The following PAPOLA variants were observed in gnomAD, a reference collection of about 807,000 sequenced individuals.
PAPOLA encodes polynucleotide adenylyltransferase alpha.
PAPOLA carries 15 observed loss-of-function variants against 100.6 expected under a neutral mutation model. That is an observed-to-expected ratio of 0.15 (90% CI 0.10 to 0.23). The LOEUF (loss-of-function observed/expected upper bound fraction) is 0.23, where lower values mean the gene tolerates loss of function less well. Ranked by LOEUF, PAPOLA falls within the 10% of genes least tolerant of loss-of-function variation. The pLI, the probability that PAPOLA is intolerant of heterozygous loss-of-function variation, is 1.00. For synonymous variants in PAPOLA, 293 were observed against 300.0 expected (o/e 0.98, Z 0.24); for missense variants, 533 against 884.2 (o/e 0.60, Z 5.04).
intron 9 of PAPOLA, chr14:96,533,033 G>A (rs1282611535): frequency 1.3e-5 from 12 of 903,402 alleles, no homozygotes; most frequent in Non-Finnish European, 1.6e-5. Flanking sequence ...TCTTGTGATT[G>A]TTTTTTTTTT....
At chr14:96,546,400 A>C (rs1900398799) in intron 15 of PAPOLA, among the ~76,000 whole-genome samples, 1 of 152,070 alleles carries the variant, frequency 6.6e-6, no homozygotes, top group African/African-American at 2.4e-5. Context: ...TTTAAGCCAG[A>C]TCATATCTTG....
intron 1 of PAPOLA, among the ~76,000 whole-genome samples, chr14:96,512,155 T>C (rs1897146685): frequency 6.6e-6 from 1 of 152,206 alleles, no homozygotes; most frequent in South Asian, 2.1e-4. Flanking sequence ...CTTTAAATAA[T>C]TTAACATGTT....
chr14:96,547,122 A>T (rs1466444372), intron 15 of PAPOLA, among the ~76,000 whole-genome samples: 2 of 152,042 alleles, frequency 1.3e-5, no homozygotes, highest in African/African-American at 4.8e-5. Context: ...TGTAATGTAG[A>T]CCCTTTGAGG....
intron 17 of PAPOLA, among the ~76,000 whole-genome samples, chr14:96,555,214 C>CTT (rs555186990): frequency 9.2e-5 from 12 of 131,146 alleles, no homozygotes; most frequent in African/African-American, 1.7e-4. Context: ...TCATTCATAA[C>CTT]TTTTTTTTTT....
chr14:96,518,855 G>A (rs574649639), intron 1 of PAPOLA, among the ~76,000 whole-genome samples: 1 of 151,862 alleles, frequency 6.6e-6, no homozygotes, highest in African/African-American at 2.4e-5. Flanking sequence ...TCAGGAGTTC[G>A]AGAGCAGCCT....
At chr14:96,542,500 T>A in intron 13 of PAPOLA, 2 of 551,806 alleles carry the variant, frequency 3.6e-6, no homozygotes, top group South Asian at 5.6e-5. Context: ...TTTATGGAGA[T>A]CCGTGCATAA....
At chr14:96,537,957 A>T (rs529813775) in intron 12 of PAPOLA, 1 of 152,142 alleles carries the variant, frequency 6.6e-6, no homozygotes, top group East Asian at 1.9e-4. Flanking sequence ...GCAATAACGG[A>T]GCCAGTAATT....
At chr14:96,511,441 A>G (rs961199159) in intron 1 of PAPOLA, among the ~76,000 whole-genome samples, 6 of 152,202 alleles carry the variant, frequency 3.9e-5, no homozygotes, top group African/African-American at 1.2e-4. Context: ...AACATTAACT[A>G]TTTAAGGAAA....
chr14:96,519,655 T>C lies in PAPOLA; in HGVS notation c.9-400T>C, dbSNP rs114934779. ...TTCATTATCTATGAACTTCGTTCAT[T>C]GTAAGCCAGATGCCAGGTTTCATTT... On this transcript the variant is annotated intron_variant, in intron 1 of 21. Transcript: ENST00000216277. Among the ~76,000 whole-genome samples the C allele has an allele frequency of 3.3e-3, 502 of 152,352 alleles. 2 individuals are homozygous for C. The highest frequency in any genetic ancestry group is 0.012 in the African/African-American group (486 of 41,592).
In PAPOLA at chr14:96,518,390, G is replaced by T. The variant is rs555142641; in HGVS notation, c.9-1665G>T. On this transcript the variant is annotated intron_variant, in intron 1 of 21. Transcript: ENST00000216277. ...AAGCCTTACTTGCATAGCATTCTTA[G>T]ATTTAGCACTTTATTGCTTTTTGCT... is the stretch of plus-strand genomic sequence containing the variant. 2.5e-4 allele frequency among the ~76,000 whole-genome samples: 38 copies of T among 151,832 alleles called. 1 individual carries two copies. The South Asian group carries it at 7.3e-3, about 29-fold the overall frequency.
intron 1 of PAPOLA, among the ~76,000 whole-genome samples, chr14:96,504,017 T>C (rs1410796169): frequency 6.6e-6 from 1 of 152,254 alleles, no homozygotes; most frequent in African/African-American, 2.4e-5. Context: ...TCTTGGAATC[T>C]GCATGGTTTC....
At chr14:96,523,645 T>C (rs1898207050) in intron 3 of PAPOLA, among the ~76,000 whole-genome samples, 1 of 152,134 alleles carries the variant, frequency 6.6e-6, no homozygotes, top group Non-Finnish European at 1.5e-5. Flanking sequence ...TTGCTTACTT[T>C]TAAGAAATAC....
Position 96,566,190 on chromosome 14 carries a change from C to G in PAPOLA, c.*1140C>G, listed in dbSNP as rs1566872941. 5 of 340,590 alleles carry G rather than the reference C, an allele frequency of 1.5e-5. No individual in the cohort carries two copies. In the Admixed American group the frequency reaches 2.4e-4, roughly 16 times the overall value. The allele number at this position is 340,590 out of a possible 1,614,324, so 21.1% of individuals were successfully genotyped here. On this transcript the variant is annotated 3_prime_UTR_variant, in exon 22 of 22. Transcript: ENST00000216277. ...TTTCTCCAAGATTTTAAAACTAATT[C>G]TTATTTTTAAATGGTTTACCAAAAT...
chr14:96,565,971 C>A lies in PAPOLA; in HGVS notation c.*921C>A. The A allele has an allele frequency of 2.5e-6, 1 of 398,182 alleles. No homozygotes were observed. The highest frequency in any genetic ancestry group is 1.3e-4 in the South Asian group (1 of 7,836). The allele number at this position is 398,182 out of a possible 1,614,324, so 24.7% of individuals were successfully genotyped here. A position where few individuals can be genotyped will look rare whatever the true frequency, so the allele number is the denominator to read the frequency against. ...AAGCCATGATGTGAAACCAATGACC[C>A]TGTGACCACATGGCACAGAACACTA... On this transcript the variant is annotated 3_prime_UTR_variant, in exon 22 of 22. Coordinates refer to ENST00000216277, the MANE Select transcript of PAPOLA (RefSeq NM_032632.5).
chr14:96,561,217 G>T (rs555586103), intron 20 of PAPOLA, among the ~76,000 whole-genome samples: 1 of 152,212 alleles, frequency 6.6e-6, no homozygotes, highest in East Asian at 1.9e-4. Context: ...GCTTGAATGA[G>T]GTGTAGATGG....
chr14:96,503,336 C>A (rs1433273611), intron 1 of PAPOLA, among the ~76,000 whole-genome samples: 1 of 152,104 alleles, frequency 6.6e-6, no homozygotes, highest in East Asian at 1.9e-4. Flanking sequence ...TTCCTTCTTT[C>A]TCTATCTCTG....
At chr14:96,540,837 C>A (rs1301029098) in intron 12 of PAPOLA, among the ~76,000 whole-genome samples, 1 of 152,202 alleles carries the variant, frequency 6.6e-6, no homozygotes, top group Non-Finnish European at 1.5e-5. Flanking sequence ...ATGATGTACA[C>A]AAGACTTAGA....
chr14:96,555,545 A>G (rs1566865316), intron 17 of PAPOLA, among the ~76,000 whole-genome samples: 1 of 152,112 alleles, frequency 6.6e-6, no homozygotes, highest in Non-Finnish European at 1.5e-5. Flanking sequence ...CACTAGTCAT[A>G]TTTTAAGTGC....
chr14:96,548,015 T>C, intron 16 of PAPOLA, 97 bp downstream of exon 16: 2 of 1,034,548 alleles, frequency 1.9e-6, no homozygotes, highest in Non-Finnish European at 2.8e-6. Flanking sequence ...TAATAAGTCA[T>C]TTTAAATAGA....
Sources: allele counts gnomAD v4.1 joint callset (sites outside exome capture counted in the v4.1 genomes callset), GRCh38; gene constraint gnomAD v4.1.1; transcripts MANE v1.5; gene names NCBI Gene and HGNC (gene_info 2026-07-23, HGNC 2026-07-21).